IL17RD: variants seen among roughly 807,000 people sequenced by gnomAD.
The protein encoded by IL17RD is interleukin-17 receptor D.
In IL17RD, 52 loss-of-function variants were observed where a neutral mutation model predicts 80.5. That is an observed-to-expected ratio of 0.65 (90% CI 0.52 to 0.81). The LOEUF is 0.81. Among genes scored for constraint, IL17RD ranks in the 40% least tolerant of loss-of-function variants. IL17RD has a pLI of 0.00. For missense variants in IL17RD, 1,024 were observed against 955.1 expected, an observed-to-expected ratio of 1.07 and a Z score of -0.95; for synonymous variants, 416 against 391.8, an observed-to-expected ratio of 1.06 and a Z score of -0.73.
intron 11 of IL17RD, among the ~76,000 whole-genome samples, chr3:57,099,787 T>A (rs1706784941): frequency 6.6e-6 from 1 of 152,238 alleles, no homozygotes; most frequent in African/African-American, 2.4e-5. Flanking sequence ...CACTGAGATG[T>A]TTAATATTTG....
At chr3:57,110,707 C>G (rs1419867643) in intron 3 of IL17RD, among the ~76,000 whole-genome samples, 4 of 152,218 alleles carry the variant, frequency 2.6e-5, no homozygotes, top group Non-Finnish European at 5.9e-5. Context: ...AGGGAATCCC[C>G]CAAAACCATG....
chr3:57,157,345 T>C (rs1212792498), intron 1 of IL17RD, among the ~76,000 whole-genome samples: 2 of 152,116 alleles, frequency 1.3e-5, no homozygotes, highest in South Asian at 2.1e-4. Flanking sequence ...CTCGGTACTG[T>C]GGCCCCAGAA....
chr3:57,107,644 G>C (rs949591200), intron 5 of IL17RD, among the ~76,000 whole-genome samples: 1 of 152,306 alleles, frequency 6.6e-6, no homozygotes, highest in East Asian at 1.9e-4. Context: ...ACCAAAGTTT[G>C]AAAGCAGCAA....
intron 1 of IL17RD, 96 bp from the exon 2 acceptor site, chr3:57,120,409 A>C: frequency 2.4e-6 from 2 of 826,140 alleles, no homozygotes; most frequent in Non-Finnish European, 4.1e-6. Context: ...CACTGCTGAG[A>C]CCCAGGGTCA....
chr3:57,122,610 C>A (rs1286371659), intron 1 of IL17RD, among the ~76,000 whole-genome samples: 1 of 152,184 alleles, frequency 6.6e-6, no homozygotes, highest in African/African-American at 2.4e-5. Flanking sequence ...GTGGAACAGT[C>A]TGATCCCGAA....
intron 1 of IL17RD, among the ~76,000 whole-genome samples, chr3:57,162,797 G>T (rs1688819623): frequency 6.6e-6 from 1 of 152,134 alleles, no homozygotes; most frequent in African/African-American, 2.4e-5. Flanking sequence ...TCAGTGCCTG[G>T]CTAAAGAAAC....
intron 1 of IL17RD, among the ~76,000 whole-genome samples, chr3:57,161,351 T>TA (rs2060303490): frequency 6.6e-6 from 1 of 152,254 alleles, no homozygotes; most frequent in Non-Finnish European, 1.5e-5. Flanking sequence ...CAGCCAAGGA[T>TA]AATTCTTGGA....
chr3:57,119,924 A>C (rs1707297796), intron 2 of IL17RD, among the ~76,000 whole-genome samples: 1 of 152,054 alleles, frequency 6.6e-6, no homozygotes, highest in African/African-American at 2.4e-5. Flanking sequence ...ATTCCCTAGC[A>C]CCCTGCACTG....
chr3:57,163,729 A>AT, intron 1 of IL17RD, among the ~76,000 whole-genome samples: 1 of 149,202 alleles, frequency 6.7e-6, no homozygotes, highest in East Asian at 2.0e-4. Context: ...AATGGAACAC[A>AT]GTAAGAAAAT....
intron 3 of IL17RD, among the ~76,000 whole-genome samples, chr3:57,111,245 T>C (rs1707091327): frequency 6.6e-6 from 1 of 152,218 alleles, no homozygotes; most frequent in African/African-American, 2.4e-5. Context: ...TTATTGATGA[T>C]AAAGGCCAGG....
chr3:57,122,035 G>A (rs1456105311), intron 1 of IL17RD, among the ~76,000 whole-genome samples: 1 of 152,180 alleles, frequency 6.6e-6, no homozygotes, highest in Admixed American at 6.5e-5. Context: ...TATGTCCTAG[G>A]CATGCAGATA....
At chr3:57,144,342 G>A (rs553040923) in intron 1 of IL17RD, among the ~76,000 whole-genome samples, 15 of 152,198 alleles carry the variant, frequency 9.9e-5, no homozygotes, top group Middle Eastern at 3.4e-3. Context: ...TTCCCTAGCC[G>A]TTCACCATCT....
chr3:57,146,406 T>A (rs537586229), intron 1 of IL17RD, among the ~76,000 whole-genome samples: 115 of 152,058 alleles, frequency 7.6e-4, no homozygotes, highest in Non-Finnish European at 1.1e-3. Context: ...CTCTAAAAAA[T>A]CCAAAATCAA....
chr3:57,129,484 A>G (rs1451101334), intron 1 of IL17RD, among the ~76,000 whole-genome samples: 1 of 152,190 alleles, frequency 6.6e-6, no homozygotes, highest in Non-Finnish European at 1.5e-5. Context: ...TGCTGACTTC[A>G]AATACCACTG....
At chr3:57,144,198 A>G (rs1040359382) in intron 1 of IL17RD, among the ~76,000 whole-genome samples, 1 of 151,870 alleles carries the variant, frequency 6.6e-6, no homozygotes, top group Admixed American at 6.6e-5. Flanking sequence ...AGGGGGTGTG[A>G]CCCCTGGAGA....
At chr3:57,152,271 G>A (rs1559485734) in intron 1 of IL17RD, among the ~76,000 whole-genome samples, 1 of 152,226 alleles carries the variant, frequency 6.6e-6, no homozygotes, top group Non-Finnish European at 1.5e-5. Context: ...GCTGGGCAGA[G>A]GCTGCACACC....
chr3:57,119,443 C>T (rs569345517), intron 2 of IL17RD, among the ~76,000 whole-genome samples: 2 of 151,954 alleles, frequency 1.3e-5, no homozygotes, highest in South Asian at 4.2e-4. Context: ...GCATGAGAAT[C>T]GCTTGAACCC....
chr3:57,154,240 C>T (rs912922987), intron 1 of IL17RD, among the ~76,000 whole-genome samples: 1 of 143,090 alleles, frequency 7.0e-6, no homozygotes, highest in African/African-American at 2.8e-5. Context: ...CAGAGTGAGA[C>T]CTTGTCTCAA....
intron 1 of IL17RD, among the ~76,000 whole-genome samples, chr3:57,145,527 A>C (rs1707908361): frequency 6.6e-6 from 1 of 152,228 alleles, no homozygotes; most frequent in South Asian, 2.1e-4. Flanking sequence ...ATGTAGGACA[A>C]ATGCTTTTCT....
Sources: allele counts gnomAD v4.1 joint callset (sites outside exome capture counted in the v4.1 genomes callset), GRCh38; gene constraint gnomAD v4.1.1; transcripts MANE v1.5; gene names NCBI Gene and HGNC (gene_info 2026-07-23, HGNC 2026-07-21).